Variants in DHX37 observed in about 807,000 individuals in gnomAD.
DHX37 encodes DEAH-box helicase 37, also known as probable ATP-dependent RNA helicase DHX37.
A neutral mutation model predicts 134.3 loss-of-function variants in DHX37; 52 were observed. That is an observed-to-expected ratio of 0.39 (90% CI 0.31 to 0.49). DHX37 has a LOEUF of 0.49. Among genes scored for constraint, DHX37 ranks in the 20% least tolerant of loss-of-function variants. DHX37 has a pLI of 0.93. For synonymous variants in DHX37, 634 were observed against 670.7 expected (o/e 0.95, Z 0.85); for missense variants, 1,344 against 1,580.8 (o/e 0.85, Z 2.54).
intron 15 of DHX37, among the ~76,000 whole-genome samples, chr12:124,963,902 A>T (rs1197445580): frequency 6.7e-6 from 1 of 149,626 alleles, no homozygotes; most frequent in Non-Finnish European, 1.5e-5. Context: ...AAAAAAAAAA[A>T]AAGAAACAGT....
At chr12:124,977,775 A>G (rs1031011755) in intron 4 of DHX37, among the ~76,000 whole-genome samples, 3 of 152,188 alleles carry the variant, frequency 2.0e-5, no homozygotes, top group Non-Finnish European at 4.4e-5. Flanking sequence ...CAGGAGTCTC[A>G]ATTAACGGCC....
intron 15 of DHX37, among the ~76,000 whole-genome samples, chr12:124,961,324 A>G (rs1375211235): frequency 7.0e-6 from 1 of 143,558 alleles, no homozygotes; most frequent in Non-Finnish European, 1.5e-5. Context: ...ACTTACATAC[A>G]CACGTGCACG....
intron 6 of DHX37, among the ~76,000 whole-genome samples, chr12:124,974,486 T>C (rs887889349): frequency 1.0e-5 from 1 of 96,786 alleles, no homozygotes; most frequent in Non-Finnish European, 2.0e-5. Context: ...GTCCCCCAAC[T>C]GGCATGCTGA....
chr12:124,956,820 A>G lies in DHX37; in HGVS notation c.2324T>C (p.Met775Thr), dbSNP rs983127544. The G allele has an allele frequency of 1.2e-6, 2 of 1,611,426 alleles. No homozygotes were observed. Among genetic ancestry groups the G allele is most frequent in the Admixed American group, 1.7e-5 (1 of 59,952 alleles). The change falls in exon 18 of 27, where the codon ATG becomes ACG. Residue 775 changes from methionine (M) to threonine (T), a missense_variant. Met to Thr is a moderately conservative substitution (Grantham distance 81). Around this residue, in one of 7 missense-constraint regions of DHX37, gnomAD observed 558 missense variants for 650.0 expected, o/e 0.86. Transcript: ENST00000308736. ...SCPITALGRT[M>T]ATFPVAPRYA... ...GCGGGGTGCCACGGGGAATGTGGCC[A>G]TTGTCCGGCCCAGCGCAGTGATGGG...
chr12:124,978,064 G>C (rs796648509), intron 4 of DHX37, among the ~76,000 whole-genome samples: 6 of 152,240 alleles, frequency 3.9e-5, no homozygotes, highest in African/African-American at 1.4e-4. Flanking sequence ...GGGTTCAAGC[G>C]ATTCTCCCGC....
At position 124,982,631 on chromosome 12, in the gene DHX37, A is replaced by G. The variant is rs776289833; in HGVS notation, c.277-8T>C. On this transcript the variant is annotated splice_region_variant and splice_polypyrimidine_tract_variant and intron_variant, in intron 2 of 26. Transcript: ENST00000308736. ...CTGTAGCATCTCTGCTCGCTGGGAA[A>G]GGAAACGAGTGTATTATGCATTTGC... 17 of 1,612,376 alleles carry G rather than the reference A, an allele frequency of 1.1e-5. No individual in the cohort carries two copies. Among genetic ancestry groups the G allele is most frequent in the Non-Finnish European group, 1.4e-5 (17 of 1,179,096 alleles).
rs904423870 is a variant in DHX37 at position 124,980,645 on chromosome 12, T to C, written c.583A>G (p.Thr195Ala). Residue 195 changes from threonine (T) to alanine (A), a missense_variant, in exon 4 of 27, where the codon ACC becomes GCC. Around this residue, in one of 7 missense-constraint regions of DHX37, gnomAD observed 319 missense variants for 296.1 expected, o/e 1.08. Coordinates refer to ENST00000308736, the MANE Select transcript of DHX37 (RefSeq NM_032656.4). The surrounding 1 kb of genome is among the most constrained non-coding windows in gnomAD (Gnocchi z 5.3). ...GGAGCTGGCGGCAGAGGTGCCACGGTGGTCCCCACACCAGCCTCAGCCGGC... is the reference window on the plus strand; with the variant it reads ...GGAGCTGGCGGCAGAGGTGCCACGGCGGTCCCCACACCAGCCTCAGCCGGC... ...AEPAEAGVGT[T>A]VAPLPPAPAP... The C allele has an allele frequency of 6.2e-7, 1 of 1,605,618 alleles. No individual in the cohort carries two copies. The highest frequency in any genetic ancestry group is 1.3e-5 in the African/African-American group (1 of 74,868).
intron 16 of DHX37, among the ~76,000 whole-genome samples, chr12:124,957,716 G>T (rs1222669975): frequency 6.6e-6 from 1 of 150,938 alleles, no homozygotes; most frequent in African/African-American, 2.4e-5. Context: ...GAACCTGGGA[G>T]GTGGGGGTTT....
chr12:124,971,435 G>A lies in DHX37; in HGVS notation c.1078-20C>T, dbSNP rs1361051575. On this transcript the variant is annotated intron_variant, in intron 7 of 26. Transcript: ENST00000308736. ...GAAGTCCTGGGGGGAGGTCCGGGGT[G>A]AGGCCCACCCTTCCAGCCTAAGCCC... The A allele has an allele frequency of 6.2e-7, 1 of 1,610,870 alleles. No homozygotes were observed. Among genetic ancestry groups the A allele is most frequent in the African/African-American group, 1.3e-5 (1 of 74,882 alleles).
intron 16 of DHX37, among the ~76,000 whole-genome samples, 163 bp from the exon 17 acceptor site, chr12:124,957,298 A>G (rs895106405): frequency 4.6e-5 from 7 of 152,176 alleles, no homozygotes; most frequent in South Asian, 2.1e-4. Context: ...CCAGGTCCCA[A>G]TGGAACCCCA....
At chr12:124,962,225 A>G (rs1056707178) in intron 15 of DHX37, among the ~76,000 whole-genome samples, 2 of 152,184 alleles carry the variant, frequency 1.3e-5, no homozygotes, top group African/African-American at 4.8e-5. Flanking sequence ...AAACCCCAGC[A>G]AAACAAAAAT....
intron 2 of DHX37, among the ~76,000 whole-genome samples, chr12:124,983,979 A>G (rs938209543): frequency 6.6e-6 from 1 of 152,152 alleles, no homozygotes; most frequent in Non-Finnish European, 1.5e-5. Context: ...GGGTTCCTCA[A>G]TCTCAGCACT....
intron 8 of DHX37, 144 bp from the exon 9 acceptor site, chr12:124,969,112 G>A (rs1031744415): frequency 1.3e-6 from 1 of 753,350 alleles, no homozygotes; most frequent in Non-Finnish European, 2.2e-6. Context: ...AGGCTCCTTG[G>A]AGAAAGTGAG....
intron 15 of DHX37, among the ~76,000 whole-genome samples, chr12:124,961,536 C>G (rs1685660988): frequency 6.6e-6 from 1 of 152,180 alleles, no homozygotes; most frequent in Non-Finnish European, 1.5e-5. Flanking sequence ...TCAAGTGATT[C>G]TCCTGCCTCA....
At position 124,949,556 on chromosome 12, in the gene DHX37, C is replaced by A. The variant is rs545187137; in HGVS notation, c.3290+430G>T. Among the ~76,000 whole-genome samples the A allele has an allele frequency of 1.3e-5, 2 of 152,296 alleles. No individual in the cohort carries two copies. The highest frequency in any genetic ancestry group is 4.1e-4 in the South Asian group (2 of 4,830). ...GCTCTGTGGGAGCTGCCCAGTGTCTCCCCTATCCCATATTCATGTCCACCC... is the reference window on the plus strand; with the variant it reads ...GCTCTGTGGGAGCTGCCCAGTGTCTACCCTATCCCATATTCATGTCCACCC... On this transcript the variant is annotated intron_variant, in intron 25 of 26. Transcript: ENST00000308736. The surrounding 1 kb of genome is among the most constrained non-coding windows in gnomAD (Gnocchi z 4.0).
Position 124,975,461 on chromosome 12 carries a change from G to T in DHX37, c.938C>A (p.Ala313Asp). Residue 313 changes from alanine to aspartate, a missense_variant, in exon 6 of 27, where the codon GCC becomes GAC. This residue lies in a region of DHX37 where 32 missense variants were observed against 28.9 expected (regional missense o/e 1.11). Coordinates refer to ENST00000308736, the MANE Select transcript of DHX37 (RefSeq NM_032656.4). Reference sequence around the variant, plus strand: ...CTCCTTGGCCACTCGCTGGGACATGGCCACGGCGGCCACTCGGCGGGGCTC... The same window carrying T: ...CTCCTTGGCCACTCGCTGGGACATGTCCACGGCGGCCACTCGGCGGGGCTC... ...VTEPRRVAAV[A>D]MSQRVAKEMN... The T allele has an allele frequency of 6.2e-7, 1 of 1,612,876 alleles. No individual in the cohort carries two copies.
chr12:124,969,253 A>G (rs1954468586), intron 8 of DHX37, among the ~76,000 whole-genome samples: 1 of 152,106 alleles, frequency 6.6e-6, no homozygotes, highest in African/African-American at 2.4e-5. Flanking sequence ...CCCACCTGAC[A>G]CCAAGATTGA....
intron 7 of DHX37, 106 bp from the exon 8 acceptor site, chr12:124,971,521 C>T: frequency 6.6e-7 from 1 of 1,506,952 alleles, no homozygotes; most frequent in East Asian, 2.5e-5. Flanking sequence ...GGAAGGGCAG[C>T]TGCTCTTCAT....
At position 124,950,262 on chromosome 12, in the gene DHX37, T is replaced by A; in HGVS notation, c.3122-19A>T. The A allele has an allele frequency of 6.2e-7, 1 of 1,613,024 alleles. No homozygotes were observed. The highest frequency in any genetic ancestry group is 8.5e-7 in the Non-Finnish European group (1 of 1,179,842). On this transcript the variant is annotated intron_variant, in intron 23 of 26. Coordinates refer to ENST00000308736, the MANE Select transcript of DHX37 (RefSeq NM_032656.4). ...ACGCGATCTAGAAGGTGGGAGCCAGTGAGACAGGGACCCTCCTGCAGCTGC... is the reference window on the plus strand; with the variant it reads ...ACGCGATCTAGAAGGTGGGAGCCAGAGAGACAGGGACCCTCCTGCAGCTGC...
Sources: allele counts gnomAD v4.1 joint callset (sites outside exome capture counted in the v4.1 genomes callset), GRCh38; gene constraint gnomAD v4.1.1; regional missense constraint gnomAD v4.1.1; non-coding constraint Gnocchi (gnomAD v3.1); transcripts MANE v1.5; gene names NCBI Gene and HGNC (gene_info 2026-07-23, HGNC 2026-07-21).